PIERCE2: variants seen among roughly 807,000 people sequenced by gnomAD.
PIERCE2 encodes the protein piercer of microtubule wall 2, also known as piercer of microtubule wall 2 protein.
the PIERCE2 span, among the ~76,000 whole-genome samples, chr15:55,410,093 A>G: frequency 0.17 from 25,419 of 149,006 alleles, 4,100 homozygotes; most frequent in African/African-American, 0.42. Flanking sequence ...GTGGTTGTCT[A>G]TGATGTAAAG....
the PIERCE2 span, among the ~76,000 whole-genome samples, chr15:55,414,350 C>T: frequency 6.6e-6 from 1 of 151,708 alleles, no homozygotes; most frequent in Non-Finnish European, 1.5e-5. Context: ...GCTGGGATTA[C>T]AGGTGTGTGC....
the PIERCE2 span, among the ~76,000 whole-genome samples, chr15:55,417,218 A>G: frequency 6.6e-6 from 1 of 152,160 alleles, no homozygotes; most frequent in Admixed American, 6.6e-5. Flanking sequence ...CAAAACCCTA[A>G]GAGATCTAAC....
chr15:55,418,508 C>T, the PIERCE2 span: 3 of 1,526,606 alleles, frequency 2.0e-6, no homozygotes, highest in Non-Finnish European at 2.6e-6. Context: ...AAATAACACT[C>T]TAAATACTGC....
the PIERCE2 span, among the ~76,000 whole-genome samples, chr15:55,415,783 G>A: frequency 2.6e-5 from 4 of 152,158 alleles, no homozygotes; most frequent in African/African-American, 4.8e-5. Context: ...CCAGGGTGTA[G>A]TGCCGGGCTG....
the PIERCE2 span, chr15:55,417,889 G>A: frequency 7.1e-6 from 3 of 424,048 alleles, no homozygotes; most frequent in Non-Finnish European, 1.3e-5. Context: ...CAGTCAAAGG[G>A]GGTTATTCTG....
chr15:55,408,730 A>T, the PIERCE2 span: 13 of 1,507,056 alleles, frequency 8.6e-6, no homozygotes, highest in South Asian at 1.5e-4. Context: ...GCTGCATGAA[A>T]ACTGACTTTG....
At chr15:55,416,218 C>T in the PIERCE2 span, among the ~76,000 whole-genome samples, 2 of 152,108 alleles carry the variant, frequency 1.3e-5, no homozygotes, top group Admixed American at 6.6e-5. Flanking sequence ...TCTCCTGCCT[C>T]AGCCTCCCGA....
the PIERCE2 span, chr15:55,408,738 T>G: frequency 2.6e-6 from 4 of 1,521,714 alleles, no homozygotes; most frequent in Non-Finnish European, 3.5e-6. Context: ...AAAACTGACT[T>G]TGCCGAAAAA....
chr15:55,418,773 A>G, the PIERCE2 span: 3 of 465,146 alleles, frequency 6.4e-6, no homozygotes, highest in Non-Finnish European at 7.4e-6. Context: ...AAAGGTAGAA[A>G]GTGTTTTAGT....
At chr15:55,418,044 C>T in the PIERCE2 span, 8 of 1,265,446 alleles carry the variant, frequency 6.3e-6, no homozygotes, top group Middle Eastern at 3.8e-4. Flanking sequence ...TTCAGGCCAT[C>T]TGGATGTATA....
At chr15:55,418,680 A>T in the PIERCE2 span, 3 of 749,364 alleles carry the variant, frequency 4.0e-6, no homozygotes, top group East Asian at 2.8e-5. Flanking sequence ...ATCAATTTTT[A>T]AAATAAGTTA....
At chr15:55,411,808 C>G in the PIERCE2 span, among the ~76,000 whole-genome samples, 1 of 152,078 alleles carries the variant, frequency 6.6e-6, no homozygotes. Context: ...GTAATCACAG[C>G]TACTCGGGAG....
chr15:55,411,696 C>T, the PIERCE2 span, among the ~76,000 whole-genome samples: 2 of 151,778 alleles, frequency 1.3e-5, no homozygotes, highest in Admixed American at 6.6e-5. Flanking sequence ...CCGAGGCGGG[C>T]GGATCACCTG....
the PIERCE2 span, among the ~76,000 whole-genome samples, chr15:55,415,856 T>C: frequency 9.3e-4 from 142 of 152,268 alleles, 3 homozygotes; most frequent in Admixed American, 6.5e-4. Context: ...GAGGCAGAAA[T>C]TGGGCATAAG....
chr15:55,413,546 G>A, the PIERCE2 span, among the ~76,000 whole-genome samples: 1 of 152,004 alleles, frequency 6.6e-6, no homozygotes, highest in African/African-American at 2.4e-5. Flanking sequence ...ATCACTTGAG[G>A]TCGGGAGTTT....
the PIERCE2 span, among the ~76,000 whole-genome samples, chr15:55,416,526 T>C: frequency 6.6e-5 from 10 of 152,258 alleles, no homozygotes; most frequent in Admixed American, 5.2e-4. Context: ...TTGTAGTACA[T>C]TGTAGTAAAT....
chr15:55,409,863 C>T, the PIERCE2 span, among the ~76,000 whole-genome samples: 1 of 152,120 alleles, frequency 6.6e-6, no homozygotes, highest in African/African-American at 2.4e-5. Flanking sequence ...TTTCACAGGC[C>T]AATTTTAAGA....
the PIERCE2 span, chr15:55,410,519 CATGCCTAT>C: frequency 6.6e-6 from 1 of 152,214 alleles, no homozygotes; most frequent in Non-Finnish European, 1.5e-5. Flanking sequence ...CGTGGTGACG[CATGCCTAT>C]AATCCCAGCT....
the PIERCE2 span, among the ~76,000 whole-genome samples, chr15:55,414,099 G>A: frequency 1.3e-5 from 2 of 150,032 alleles, no homozygotes; most frequent in Admixed American, 6.6e-5. Context: ...GGGTTTCACC[G>A]CGTTAGCCAG....
Sources: gnomAD v4.1 joint callset for allele counts (sites outside exome capture counted in the v4.1 genomes callset) on GRCh38, gnomAD v4.1.1 for gene constraint, MANE v1.5 for transcripts, NCBI Gene and HGNC (gene_info 2026-07-23, HGNC 2026-07-21) for gene names.